SYNE2: variants seen among roughly 807,000 people sequenced by gnomAD.
SYNE2 encodes spectrin repeat containing nuclear envelope protein 2.
SYNE2 carries 431 observed loss-of-function variants against 856.3 expected under a neutral mutation model. The observed-to-expected ratio is 0.50, with a 90% CI of 0.47 to 0.55. The LOEUF is 0.55. SYNE2 is among the 20% of genes least tolerant of loss of function. The pLI is 0.00. For missense variants in SYNE2, 8,129 were observed against 8,023.2 expected, an observed-to-expected ratio of 1.01 and a Z score of -0.50; for synonymous variants, 2,923 against 2,872.3, an observed-to-expected ratio of 1.02 and a Z score of -0.56.
chr14:63,991,305 A>G (rs1328253114), intron 21 of SYNE2, among the ~76,000 whole-genome samples, 190 bp downstream of exon 21: 1 of 152,152 alleles, frequency 6.6e-6, no homozygotes, highest in Non-Finnish European at 1.5e-5. Context: ...TTTTTATTCA[A>G]ATTTTATTGT....
chr14:64,069,528 C>T (rs927982901), intron 51 of SYNE2, among the ~76,000 whole-genome samples: 3 of 152,208 alleles, frequency 2.0e-5, no homozygotes, highest in East Asian at 1.9e-4. Context: ...AACCCTGCTG[C>T]GGTGCTTTTT....
rs768380580 is a variant in SYNE2, at chr14:64,026,674, C to T, written c.6348C>T (p.Leu2116=). The part of the protein sequence containing the change: ...SSEAPLVQKT[L]TDISNQWDNT... ...AGGCCCCGCTGGTTCAGAAGACCCT[C>T]ACTGACATCAGCAACCAGTGGGACA... is the stretch of plus-strand genomic sequence containing the variant. The change falls in exon 42 of 116, where the codon CTC becomes CTT. Residue 2116 remains leucine (L), a synonymous_variant. Coordinates refer to ENST00000555002, the MANE Select transcript of SYNE2 (RefSeq NM_182914.3). 3.1e-6 allele frequency: 5 copies of T among 1,612,796 alleles called. No homozygotes were observed. The highest frequency in any genetic ancestry group is 1.7e-5 in the Admixed American group (1 of 59,868).
chr14:64,146,290 G>T (rs1327213061), intron 84 of SYNE2, 67 bp downstream of exon 84: 6 of 1,434,930 alleles, frequency 4.2e-6, no homozygotes, highest in Middle Eastern at 1.8e-4. Flanking sequence ...CTCTTGCCCC[G>T]AGGATAAGTT....
chr14:64,214,035 C>T (rs2140242391), intron 105 of SYNE2, 159 bp from the exon 106 acceptor site: 1 of 1,082,170 alleles, frequency 9.2e-7, no homozygotes, highest in Non-Finnish European at 1.3e-6. Flanking sequence ...ACTGGAATAA[C>T]CAGAAACAGG....
chr14:64,051,621 G>C lies in SYNE2; in HGVS notation c.7708G>C (p.Glu2570Gln). Residue 2570 changes from glutamate (E) to glutamine (Q), a missense_variant, in exon 48 of 116, where the codon GAG becomes CAG. Coordinates refer to ENST00000555002, the MANE Select transcript of SYNE2 (RefSeq NM_182914.3). ...AAAATTCATAGCATCCATAGAAAAAGAGAAAGATTCTTTAGGCAACTTGAA... is the reference window on the plus strand; with the variant it reads ...AAAATTCATAGCATCCATAGAAAAACAGAAAGATTCTTTAGGCAACTTGAA... The part of the protein sequence containing the change: ...IKKFIASIEK[E>Q]KDSLGNLKIK... The C allele has an allele frequency of 6.2e-7, 1 of 1,613,908 alleles. No individual in the cohort carries two copies. The highest frequency in any genetic ancestry group is 1.1e-5 in the South Asian group (1 of 91,058).
intron 44 of SYNE2, 88 bp downstream of exon 44, chr14:64,030,147 A>T: frequency 7.6e-7 from 1 of 1,315,872 alleles, no homozygotes; most frequent in South Asian, 1.2e-5. Context: ...CTCTGTCAGA[A>T]ATTCCAGTGG....
chr14:63,927,463 T>C (rs2095684743), intron 2 of SYNE2, among the ~76,000 whole-genome samples: 1 of 152,096 alleles, frequency 6.6e-6, no homozygotes, highest in Non-Finnish European at 1.5e-5. Context: ...AGGGACCCAG[T>C]GGGAGATAAT....
intron 2 of SYNE2, among the ~76,000 whole-genome samples, chr14:63,937,459 T>C (rs529949707): frequency 1.3e-5 from 2 of 152,176 alleles, no homozygotes; most frequent in African/African-American, 4.8e-5. Flanking sequence ...AGTGAAAGGA[T>C]TGGCTTTAGT....
At chr14:63,796,892 A>G (rs939942647) in intron 1 of SYNE2, among the ~76,000 whole-genome samples, 22 of 152,222 alleles carry the variant, frequency 1.4e-4, no homozygotes, top group African/African-American at 4.1e-4. Flanking sequence ...AGCATGGCCA[A>G]TATGGTGAAA....
intron 57 of SYNE2, among the ~76,000 whole-genome samples, chr14:64,086,305 G>A (rs2097560806): frequency 6.6e-6 from 1 of 152,138 alleles, no homozygotes; most frequent in South Asian, 2.1e-4. Context: ...GAAATCAATT[G>A]ACCTTATACA....
Position 63,999,016 on chromosome 14 carries a change from G to T in SYNE2, c.3456G>T (p.Leu1152=), listed in dbSNP as rs756823522. 21 of 1,613,690 alleles carry T rather than the reference G, an allele frequency of 1.3e-5. No homozygotes were observed. In the Admixed American group the frequency reaches 3.3e-4, roughly 26 times the overall value. The change falls in exon 27 of 116, where the codon CTG becomes CTT. Residue 1152 remains leucine (L), a synonymous_variant. Transcript: ENST00000555002. ...AAGAGGACAGGAGTAGTTCTTGTCT[G>T]CAGGCTAAACTGACAGATCTACAGG... ...SSEEDRSSSC[L]QAKLTDLQVI...
At chr14:63,973,729 G>C (rs1184495175) in intron 11 of SYNE2, among the ~76,000 whole-genome samples, 2 of 151,066 alleles carry the variant, frequency 1.3e-5, no homozygotes, top group African/African-American at 2.4e-5. Flanking sequence ...AAACAAAATG[G>C]AAAAACTGTA....
intron 1 of SYNE2, among the ~76,000 whole-genome samples, chr14:63,797,214 T>A (rs1887951645): frequency 6.6e-6 from 1 of 151,310 alleles, no homozygotes; most frequent in South Asian, 2.1e-4. Context: ...CTGGTCAACA[T>A]GGTGAAACCC....
rs543023408 is a variant in SYNE2 at position 64,222,680 on chromosome 14, C to T, written c.20191-509C>T. ...GGCGGAGGTTGCAGTGAGCCCAGAT[C>T]GTGCCACTGTACTCCACCCTGGGCG... On this transcript the variant is annotated intron_variant, in intron 112 of 115. Transcript: ENST00000555002. Among the ~76,000 whole-genome samples the T allele has an allele frequency of 1.8e-4, 28 of 152,256 alleles. No homozygotes were observed. The East Asian group carries it at 2.7e-3, about 15-fold the overall frequency.
intron 45 of SYNE2, among the ~76,000 whole-genome samples, chr14:64,038,840 A>T (rs929341344): frequency 2.0e-5 from 3 of 151,382 alleles, no homozygotes; most frequent in Admixed American, 2.0e-4. Flanking sequence ...GTGGAAAGAG[A>T]GGGAGAGGGA....
At chr14:64,100,472 C>G (rs1191388819) in intron 63 of SYNE2, 1 of 135,860 alleles carries the variant, frequency 7.4e-6, no homozygotes, top group Non-Finnish European at 1.5e-5. Context: ...GCCGAGATCA[C>G]GCTGTTGCAC....
intron 90 of SYNE2, among the ~76,000 whole-genome samples, chr14:64,166,242 G>A (rs185037555): frequency 6.6e-6 from 1 of 152,050 alleles, no homozygotes; most frequent in Admixed American, 6.6e-5. Context: ...TTTACATATT[G>A]TCTATTATAG....
intron 2 of SYNE2, among the ~76,000 whole-genome samples, chr14:63,940,100 CAG>C (rs1219016965): frequency 1.7e-5 from 2 of 118,312 alleles, no homozygotes; most frequent in Non-Finnish European, 1.7e-5. Context: ...TTTCATGAAA[CAG>C]AGTCTTGCCG....
At chr14:64,075,043 C>T (rs554842825) in intron 53 of SYNE2, among the ~76,000 whole-genome samples, 1 of 152,318 alleles carries the variant, frequency 6.6e-6, no homozygotes, top group East Asian at 1.9e-4. Flanking sequence ...ACTTATTAAA[C>T]CCCATCTTTG....
Sources: allele counts gnomAD v4.1 joint callset (sites outside exome capture counted in the v4.1 genomes callset), GRCh38; gene constraint gnomAD v4.1.1; transcripts MANE v1.5; gene names NCBI Gene and HGNC (gene_info 2026-07-23, HGNC 2026-07-21).